The following GAS7 variants were observed in gnomAD, a reference collection of about 807,000 sequenced individuals.
GAS7 encodes growth arrest specific 7, also known as growth arrest-specific protein 7.
A neutral mutation model predicts 71.1 loss-of-function variants in GAS7; 28 were observed. That is an observed-to-expected ratio of 0.39 (90% confidence interval 0.29 to 0.54). The LOEUF is 0.54. GAS7 is among the 20% of genes least tolerant of loss of function. The probability of loss-of-function intolerance (pLI) is 0.62; values close to 1 mark genes in which losing one functional copy is unlikely to be tolerated. For missense variants in GAS7, 436 were observed against 627.8 expected (o/e 0.69, Z 3.27); for synonymous variants, 258 against 245.8 (o/e 1.05, Z -0.46).
chr17:10,022,996 A>G (rs1247076714), intron 1 of GAS7, among the ~76,000 whole-genome samples: 2 of 152,220 alleles, frequency 1.3e-5, no homozygotes, highest in Non-Finnish European at 2.9e-5. Context: ...CACCCAGGAA[A>G]GAGCAATAAT....
In GAS7 at chr17:10,151,510, A is replaced by G. The variant is rs1015150389; in HGVS notation, c.183+46698T>C. 3.0e-4 allele frequency among the ~76,000 whole-genome samples: 46 copies of G among 152,148 alleles called. 1 individual carries two copies. The highest frequency in any genetic ancestry group is 1.6e-3 in the Admixed American group (25 of 15,274). ...TTTAATGACAGCATTTAATGTGATT[A>G]TAAGAGTCTATCATCAATCTACGTA... On this transcript the variant is annotated intron_variant, in intron 1 of 13. Transcript: ENST00000432992.
intron 1 of GAS7, among the ~76,000 whole-genome samples, chr17:10,046,552 A>C (rs2072960647): frequency 6.6e-6 from 1 of 151,402 alleles, no homozygotes; most frequent in Non-Finnish European, 1.5e-5. Flanking sequence ...CCTGGCCAAT[A>C]TAGTGAAACC....
intron 2 of GAS7, among the ~76,000 whole-genome samples, chr17:10,010,013 A>G (rs897235196): frequency 6.6e-6 from 1 of 152,200 alleles, no homozygotes; most frequent in East Asian, 1.9e-4. Flanking sequence ...ATACTGAGGC[A>G]AAAAAGAAAA....
chr17:10,178,732 T>TTTTTTC, intron 1 of GAS7, among the ~76,000 whole-genome samples: 1 of 131,026 alleles, frequency 7.6e-6, no homozygotes, highest in Non-Finnish European at 1.6e-5. Flanking sequence ...TTTTTTTTTT[T>TTTTTTC]TGCTGATGAG....
chr17:10,072,666 T>C (rs1320227762), intron 1 of GAS7, among the ~76,000 whole-genome samples: 1 of 152,170 alleles, frequency 6.6e-6, no homozygotes, highest in Non-Finnish European at 1.5e-5. Context: ...GAAGCATCTA[T>C]CTGTCCACAA....
intron 1 of GAS7, among the ~76,000 whole-genome samples, chr17:10,160,989 T>C (rs535655592): frequency 7.0e-6 from 1 of 142,334 alleles, no homozygotes; most frequent in South Asian, 2.3e-4. Flanking sequence ...GACGAAGGCA[T>C]GGCAGTATTT....
At chr17:10,078,092 T>C (rs1475237024) in intron 1 of GAS7, among the ~76,000 whole-genome samples, 2 of 151,594 alleles carry the variant, frequency 1.3e-5, no homozygotes, top group African/African-American at 4.9e-5. Context: ...TTGTTTTGTT[T>C]TGTTTTGTTT....
At chr17:10,008,781 T>C (rs2071637210) in intron 2 of GAS7, among the ~76,000 whole-genome samples, 1 of 152,012 alleles carries the variant, frequency 6.6e-6, no homozygotes, top group Non-Finnish European at 1.5e-5. Context: ...TCTCTCTCTC[T>C]CTCTCACACA....
At chr17:9,948,862 C>T (rs1158534306) in intron 5 of GAS7, among the ~76,000 whole-genome samples, 2 of 152,154 alleles carry the variant, frequency 1.3e-5, no homozygotes, top group African/African-American at 2.4e-5. Context: ...TCCTAGGACG[C>T]GGGCTAATTT....
chr17:10,047,289 C>G (rs896190474), intron 1 of GAS7, among the ~76,000 whole-genome samples: 5 of 152,160 alleles, frequency 3.3e-5, no homozygotes, highest in Non-Finnish European at 7.3e-5. Context: ...TCCATCAATT[C>G]GGAGTATCAG....
intron 1 of GAS7, among the ~76,000 whole-genome samples, chr17:10,184,070 GTTA>G (rs917144675): frequency 6.6e-6 from 1 of 152,162 alleles, no homozygotes; most frequent in African/African-American, 2.4e-5. Flanking sequence ...AAAACAACCA[GTTA>G]TCCCCTTGGA....
chr17:10,176,495 T>C (rs1422420544), intron 1 of GAS7, among the ~76,000 whole-genome samples: 5 of 152,222 alleles, frequency 3.3e-5, no homozygotes, highest in South Asian at 2.1e-4. Flanking sequence ...CTAGTCACCC[T>C]GAATGGGCAG....
chr17:10,142,096 C>A (rs569533074), intron 1 of GAS7, among the ~76,000 whole-genome samples: 4 of 151,890 alleles, frequency 2.6e-5, no homozygotes, highest in African/African-American at 7.2e-5. Context: ...GGCGTGGTGG[C>A]AGGTGCCTGT....
intron 1 of GAS7, among the ~76,000 whole-genome samples, chr17:10,053,144 C>T (rs1266478077): frequency 6.6e-6 from 1 of 152,152 alleles, no homozygotes; most frequent in Non-Finnish European, 1.5e-5. Context: ...ACTACCCACA[C>T]ATTTATCTAT....
chr17:10,005,100 T>A lies in GAS7; in HGVS notation c.304+14677A>T, dbSNP rs563955428. Among the ~76,000 whole-genome samples, 1,200 of 146,490 alleles carry A rather than the reference T, an allele frequency of 8.2e-3. 21 individuals carry two copies. The highest frequency in any genetic ancestry group is 0.059 in the East Asian group (290 of 4,902). On this transcript the variant is annotated intron_variant, in intron 2 of 13. Coordinates refer to ENST00000432992, the MANE Select transcript of GAS7 (RefSeq NM_201433.2). ...ATACATGCGTGTGTGCACGCATACA[T>A]GCATGTGTGTGCGTGTGCACGCATA...
chr17:10,096,581 G>A (rs9897958), intron 1 of GAS7, among the ~76,000 whole-genome samples: 4,071 of 152,002 alleles, frequency 0.027, 184 homozygotes, highest in African/African-American at 0.093. Flanking sequence ...CCATTCTCAG[G>A]TATGGACAGC....
chr17:10,099,419 G>A (rs2073676979), intron 1 of GAS7, among the ~76,000 whole-genome samples: 1 of 152,184 alleles, frequency 6.6e-6, no homozygotes, highest in Non-Finnish European at 1.5e-5. Context: ...TTTCTGGCCG[G>A]TGAAAAGTTT....
At chr17:10,151,512 A>G (rs531076605) in intron 1 of GAS7, among the ~76,000 whole-genome samples, 1 of 152,276 alleles carries the variant, frequency 6.6e-6, no homozygotes, top group South Asian at 2.1e-4. Flanking sequence ...ATGTGATTAT[A>G]AGAGTCTATC....
intron 1 of GAS7, among the ~76,000 whole-genome samples, chr17:10,152,364 G>A (rs2074173077): frequency 1.3e-5 from 2 of 152,220 alleles, no homozygotes; most frequent in Non-Finnish European, 2.9e-5. Context: ...GCTCAGCACC[G>A]TCTAAGGCAT....
Sources: gnomAD v4.1 joint callset for allele counts (sites outside exome capture counted in the v4.1 genomes callset) on GRCh38, gnomAD v4.1.1 for gene constraint, MANE v1.5 for transcripts, NCBI Gene and HGNC (gene_info 2026-07-23, HGNC 2026-07-21) for gene names.